FAF1: variants seen among roughly 807,000 people sequenced by gnomAD.
FAF1 encodes the protein FAS-associated factor 1.
Under a neutral mutation model 92.5 loss-of-function variants are expected in FAF1, and 25 were observed. The observed-to-expected ratio is 0.27, with a 90% CI of 0.20 to 0.38. FAF1 has a LOEUF of 0.38. Ranked by LOEUF, FAF1 falls within the 10% of genes least tolerant of loss-of-function variation. FAF1 has a pLI of 1.00. For synonymous variants in FAF1, 234 were observed against 273.2 expected (o/e 0.86, Z 1.42); for missense variants, 636 against 793.3 (o/e 0.80, Z 2.38).
intron 1 of FAF1, among the ~76,000 whole-genome samples, chr1:50,888,053 T>C (rs961192963): frequency 6.6e-6 from 1 of 152,238 alleles, no homozygotes; most frequent in Non-Finnish European, 1.5e-5. Context: ...TTTTACTTCA[T>C]TGAGCAGTGG....
rs372148317 is a variant in FAF1 at position 50,704,203 on chromosome 1, G to T, written c.657+1583C>A. On this transcript the variant is annotated intron_variant, in intron 7 of 18. Coordinates refer to ENST00000396153, the MANE Select transcript of FAF1 (RefSeq NM_007051.3). ...TTGAAAACACTGAATAGCATTTTTA[G>T]GCTATCTGCTGAATAGTCCTTTCTG... 1.8e-4 allele frequency among the ~76,000 whole-genome samples: 27 copies of T among 152,110 alleles called. No individual in the cohort carries two copies. The South Asian group carries it at 4.4e-3, about 25-fold the overall frequency.
intron 6 of FAF1, among the ~76,000 whole-genome samples, chr1:50,727,762 T>A (rs561142378): frequency 1.4e-4 from 22 of 152,188 alleles, no homozygotes; most frequent in Admixed American, 1.4e-3. Flanking sequence ...GTGGGTATTG[T>A]CTAATCACCT....
chr1:50,724,035 C>T (rs955600713), intron 6 of FAF1, among the ~76,000 whole-genome samples: 1 of 151,964 alleles, frequency 6.6e-6, no homozygotes, highest in Admixed American at 6.6e-5. Context: ...AGGCGTGAGC[C>T]ACCACACCCA....
At chr1:50,569,743 G>A (rs1031435059) in intron 12 of FAF1, among the ~76,000 whole-genome samples, 1 of 152,148 alleles carries the variant, frequency 6.6e-6, no homozygotes, top group Non-Finnish European at 1.5e-5. Context: ...CTTTGGGAAA[G>A]AGATTAGTGA....
chr1:50,547,042 C>T (rs1241322913), intron 13 of FAF1, among the ~76,000 whole-genome samples: 1 of 151,792 alleles, frequency 6.6e-6, no homozygotes, highest in Non-Finnish European at 1.5e-5. Flanking sequence ...GTAAGCGCCA[C>T]CATGCCTGGA....
chr1:50,804,325 C>T (rs1388542689), intron 2 of FAF1, among the ~76,000 whole-genome samples: 1 of 152,074 alleles, frequency 6.6e-6, no homozygotes, highest in Non-Finnish European at 1.5e-5. Context: ...AAACGAAGCC[C>T]TAGAAATATT....
intron 2 of FAF1, among the ~76,000 whole-genome samples, chr1:50,829,750 A>G (rs1644135813): frequency 6.6e-6 from 1 of 152,250 alleles, no homozygotes. Context: ...GACAGCTGAC[A>G]TTATATCCTG....
At chr1:50,906,187 G>T (rs1007857957) in intron 1 of FAF1, among the ~76,000 whole-genome samples, 2 of 152,182 alleles carry the variant, frequency 1.3e-5, no homozygotes, top group Non-Finnish European at 2.9e-5. Flanking sequence ...TCAGATGGTT[G>T]TAGATGTGTG....
chr1:50,774,053 CT>C (rs1660866979), intron 4 of FAF1, among the ~76,000 whole-genome samples: 1 of 152,118 alleles, frequency 6.6e-6, no homozygotes, highest in African/African-American at 2.4e-5. Context: ...CTTTATTCAG[CT>C]TTTAAAATGA....
chr1:50,746,635 A>C (rs1243467417), intron 4 of FAF1, among the ~76,000 whole-genome samples: 1 of 152,050 alleles, frequency 6.6e-6, no homozygotes, highest in Non-Finnish European at 1.5e-5. Flanking sequence ...AGCAGAGTGT[A>C]AAAGTTTGAA....
intron 6 of FAF1, among the ~76,000 whole-genome samples, chr1:50,729,655 C>T (rs1390548433): frequency 1.3e-5 from 2 of 151,666 alleles, no homozygotes; most frequent in South Asian, 2.1e-4. Context: ...GATCCGCCTG[C>T]GTTGGCCTCC....
chr1:50,851,931 A>G (rs1644354660), intron 2 of FAF1, among the ~76,000 whole-genome samples: 1 of 152,164 alleles, frequency 6.6e-6, no homozygotes, highest in South Asian at 2.1e-4. Flanking sequence ...AAATTCTTTC[A>G]TAACTATTTA....
chr1:50,500,765 T>C (rs1373400619), intron 15 of FAF1, among the ~76,000 whole-genome samples: 1 of 152,176 alleles, frequency 6.6e-6, no homozygotes. Context: ...ACAACTATTA[T>C]GTATCCATAA....
At chr1:50,681,569 G>A (rs111978716) in intron 7 of FAF1, among the ~76,000 whole-genome samples, 3,004 of 151,718 alleles carry the variant, frequency 0.02, 99 homozygotes, top group African/African-American at 0.07. Flanking sequence ...GTGCAATGGC[G>A]CAATCTCGTC....
intron 15 of FAF1, among the ~76,000 whole-genome samples, chr1:50,501,359 T>C (rs1329876144): frequency 6.6e-6 from 1 of 152,106 alleles, no homozygotes; most frequent in Non-Finnish European, 1.5e-5. Context: ...CCTATTAGAA[T>C]GTCTCAGTTT....
At chr1:50,840,256 G>C (rs1370447707) in intron 2 of FAF1, among the ~76,000 whole-genome samples, 1 of 151,836 alleles carries the variant, frequency 6.6e-6, no homozygotes, top group Non-Finnish European at 1.5e-5. Context: ...TTCATAAATT[G>C]AATTTTATTC....
intron 4 of FAF1, among the ~76,000 whole-genome samples, chr1:50,754,312 T>C (rs35751338): frequency 0.027 from 4,161 of 152,316 alleles, 129 homozygotes; most frequent in Admixed American, 0.11. Context: ...TAAGATTTGT[T>C]AGTCAGCATT....
At chr1:50,810,430 C>CA (rs1396308941) in intron 2 of FAF1, among the ~76,000 whole-genome samples, 1 of 152,152 alleles carries the variant, frequency 6.6e-6, no homozygotes, top group Admixed American at 6.5e-5. Context: ...GAGCACACTT[C>CA]AAAATAATAC....
chr1:50,898,810 A>G (rs1195887886), intron 1 of FAF1, among the ~76,000 whole-genome samples: 2 of 152,068 alleles, frequency 1.3e-5, no homozygotes, highest in Non-Finnish European at 2.9e-5. Context: ...GTTTTAAGCA[A>G]TTTGATTTGA....
Sources: allele counts gnomAD v4.1 joint callset (sites outside exome capture counted in the v4.1 genomes callset), GRCh38; gene constraint gnomAD v4.1.1; transcripts MANE v1.5; gene names NCBI Gene and HGNC (gene_info 2026-07-23, HGNC 2026-07-21).